ZNF223: variants seen among roughly 807,000 people sequenced by gnomAD.
ZNF223 encodes zinc finger protein 223.
A neutral mutation model predicts 12.3 loss-of-function variants in ZNF223; 9 were observed. The ratio of observed to expected loss-of-function variants is 0.73; its 90% CI spans 0.44 to 1.28. The LOEUF is 1.28. ZNF223 is among the 50% of genes most tolerant of loss of function. ZNF223 has a pLI of 0.00. For synonymous variants in ZNF223, 171 were observed against 195.2 expected (o/e 0.88, Z 1.03); for missense variants, 506 against 579.0 (o/e 0.87, Z 1.29).
Position 44,066,114 on chromosome 19 carries a change from G to C in ZNF223, c.286G>C (p.Glu96Gln). ...GACTTTTCCAGAAGCAGGACCACAT[G>C]AAGGGTGGTCCTGCCAGCAGATCTG... ...MKTFPEAGPHEGWSCQQIWEE... is the reference protein window; with the variant it reads ...MKTFPEAGPHQGWSCQQIWEE... The change falls in exon 5 of 5, where the codon GAA (glutamate) becomes CAA (glutamine). Residue 96 changes from glutamate to glutamine, a missense_variant. By Grantham distance (29) the Glu-to-Gln change is conservative. Coordinates refer to ENST00000434772, the MANE Select transcript of ZNF223 (RefSeq NM_013361.6). The C allele has an allele frequency of 6.2e-7, 1 of 1,613,320 alleles. No homozygotes were observed. The highest frequency in any genetic ancestry group is 1.1e-5 in the South Asian group (1 of 90,944).
At chr19:44,064,561 T>G (rs1416314360) in intron 4 of ZNF223, among the ~76,000 whole-genome samples, 1 of 152,220 alleles carries the variant, frequency 6.6e-6, no homozygotes, top group Non-Finnish European at 1.5e-5. Flanking sequence ...TTTAGTATCA[T>G]GAAGGGTTAA....
intron 4 of ZNF223, chr19:44,063,122 T>G (rs2147477311): frequency 6.6e-6 from 1 of 152,332 alleles, no homozygotes; most frequent in Non-Finnish European, 1.5e-5. Flanking sequence ...CCTTCCCATC[T>G]CCTTAAAGAC....
At chr19:44,057,377 A>G (rs1461640925) in intron 2 of ZNF223, among the ~76,000 whole-genome samples, 2 of 152,344 alleles carry the variant, frequency 1.3e-5, no homozygotes, top group East Asian at 3.9e-4. Context: ...TACTTACCAT[A>G]TCATCTTGGC....
At chr19:44,061,047 A>T (rs1465660960) in intron 4 of ZNF223, 1 of 515,544 alleles carries the variant, frequency 1.9e-6, no homozygotes, top group Non-Finnish European at 3.5e-6. Context: ...TAGGACATGG[A>T]TGTCAGATTG....
Position 44,066,912 on chromosome 19 carries a change from C to T in ZNF223, c.1084C>T (p.His362Tyr). The change falls in exon 5 of 5, where the codon CAT becomes TAT. Residue 362 changes from histidine to tyrosine, a missense_variant. Coordinates refer to ENST00000434772, the MANE Select transcript of ZNF223 (RefSeq NM_013361.6). ...CAGACGGTCCTCCTATCTTTTGATC[C>T]ATCAGCGAGTCCACACTGGAGAAAA... is the stretch of plus-strand genomic sequence containing the variant. The part of the protein sequence containing the change: ...SFRRSSYLLI[H>Y]QRVHTGEKPY... 1 of 1,614,182 alleles carries T rather than the reference C, an allele frequency of 6.2e-7. No individual in the cohort carries two copies. The highest frequency in any genetic ancestry group is 1.1e-5 in the South Asian group (1 of 91,086).
chr19:44,055,189 A>T lies in ZNF223; in HGVS notation c.13A>T (p.Lys5Ter). The change falls in exon 2 of 5, where the codon AAG becomes TAG. Residue 5 changes from lysine to a stop codon, truncating the protein, a stop_gained and splice_region_variant. Transcript: ENST00000434772. LOFTEE classifies it high-confidence loss of function. MTMS[K>*]EAVTFKDVAV... is the part of the protein sequence containing the mutation. ...AGTAGGAGGAAAAATGACCATGTCC[A>T]AGGTAAGTAGGACTTGCCTCTCTTA... 1 of 1,613,324 alleles carries T rather than the reference A, an allele frequency of 6.2e-7. No individual in the cohort carries two copies. Among genetic ancestry groups the T allele is most frequent in the Non-Finnish European group, 8.5e-7 (1 of 1,179,678 alleles).
chr19:44,067,505 T>C lies in ZNF223; in HGVS notation c.*228T>C. ...TTCTTCCTCTTATCTACCTGTACTT[T>C]TGCATCCATTAGCCAACCTTTGGCC... On this transcript the variant is annotated 3_prime_UTR_variant, in exon 5 of 5. Transcript: ENST00000434772. 2 of 602,804 alleles carry C rather than the reference T, an allele frequency of 3.3e-6. No homozygotes were observed. The highest frequency in any genetic ancestry group is 3.0e-6 in the Non-Finnish European group (1 of 332,436). The allele number at this position is 602,804 out of a possible 1,614,324, so 37.3% of individuals were successfully genotyped here.
In ZNF223 at chr19:44,066,654, C is replaced by T. The variant is rs1365193699; in HGVS notation, c.826C>T (p.Gln276Ter). 4.3e-6 allele frequency: 7 copies of T among 1,614,050 alleles called. No individual in the cohort carries two copies. The highest frequency in any genetic ancestry group is 5.9e-6 in the Non-Finnish European group (7 of 1,180,042). ...GGCCTTCATTCATGATTTCCAGCTT[C>T]AGAAACATCAGAGAATTCACACAGG... ...GRAFIHDFQL[Q>*]KHQRIHTGEK... Residue 276 changes from glutamine (Q) to a stop codon, truncating the protein, a stop_gained, in exon 5 of 5, where the codon CAG (glutamine) becomes TAG (stop). Coordinates refer to ENST00000434772, the MANE Select transcript of ZNF223 (RefSeq NM_013361.6). LOFTEE classifies it low-confidence loss of function (END_TRUNC).
Position 44,060,973 on chromosome 19 carries a change from G to A in ZNF223, c.235+132G>A. 6 of 849,242 alleles carry A rather than the reference G, an allele frequency of 7.1e-6. No homozygotes were observed. The South Asian group carries it at 8.3e-5, about 12-fold the overall frequency. 52.6% of individuals were successfully genotyped at this position (849,242 alleles called of 1,614,324 possible). ...GATTATGATAACCTCCTTCCAGCTA[G>A]TGGCCCTGCTCCGTGCCTTCCCACT... On this transcript the variant is annotated intron_variant, in intron 4 of 4. Transcript: ENST00000434772.
rs374214184 is a variant in ZNF223 at position 44,060,427 on chromosome 19, T to C, written c.16-28T>C. ...CTCCCAGTAACCATTGGTAGTGAGA[T>C]TGAGGTTGCATATGTTTGATGCTGT... On this transcript the variant is annotated intron_variant, in intron 2 of 4. Coordinates refer to ENST00000434772, the MANE Select transcript of ZNF223 (RefSeq NM_013361.6). The C allele has an allele frequency of 7.4e-6, 12 of 1,612,908 alleles. No homozygotes were observed. In the African/African-American group the frequency reaches 1.3e-4, roughly 18 times the overall value.
intron 2 of ZNF223, among the ~76,000 whole-genome samples, chr19:44,059,186 A>G (rs1398321046): frequency 2.0e-5 from 3 of 152,224 alleles, no homozygotes; most frequent in African/African-American, 7.2e-5. Flanking sequence ...TATGACATTC[A>G]TGCGGCCCTT....
At chr19:44,053,776 TC>T (rs1224135142) in intron 1 of ZNF223, among the ~76,000 whole-genome samples, 2 of 152,230 alleles carry the variant, frequency 1.3e-5, no homozygotes, top group African/African-American at 4.8e-5. Context: ...GCCCAGGCTT[TC>T]TTGGGCAGAG....
In ZNF223 at chr19:44,055,194, A is replaced by T. The variant is rs753098785; in HGVS notation, c.15+3A>T. The T allele has an allele frequency of 6.2e-7, 1 of 1,613,114 alleles. No homozygotes were observed. On this transcript the variant is annotated splice_donor_region_variant and intron_variant, in intron 2 of 4. Transcript: ENST00000434772. ...GAGGAAAAATGACCATGTCCAAGGT[A>T]AGTAGGACTTGCCTCTCTTACTGTT...
In ZNF223 at chr19:44,059,766, C is replaced by G. The variant is rs557531783; in HGVS notation, c.16-689C>G. On this transcript the variant is annotated intron_variant, in intron 2 of 4. Coordinates refer to ENST00000434772, the MANE Select transcript of ZNF223 (RefSeq NM_013361.6). ...CAGTTGTTCAGTCAGGAAGGGACGT[C>G]ACGTCCTATACAAAAAATGCCTGCT... is the stretch of plus-strand genomic sequence containing the variant. 2.6e-5 allele frequency among the ~76,000 whole-genome samples: 4 copies of G among 152,298 alleles called. No individual in the cohort carries two copies. The East Asian group carries it at 7.7e-4, about 29-fold the overall frequency.
chr19:44,054,130 A>G (rs1341073211), intron 1 of ZNF223, among the ~76,000 whole-genome samples: 2 of 149,060 alleles, frequency 1.3e-5, no homozygotes, highest in Non-Finnish European at 1.5e-5. Context: ...TAGATTATAC[A>G]TTGTTGGTGG....
Position 44,067,953 on chromosome 19 carries a change from CA to C in ZNF223, c.*687del, listed in dbSNP as rs1314185710. On this transcript the variant is annotated 3_prime_UTR_variant, in exon 5 of 5. Transcript: ENST00000434772. ...GGGCAACAGAGTGAGACCCTGTCTC[CA>C]AAAAAAAAAATTAAATAAATACCTT... is the stretch of plus-strand genomic sequence containing the variant. 2.1e-4 allele frequency: 30 copies of C among 142,224 alleles called. No individual in the cohort carries two copies. The highest frequency in any genetic ancestry group is 3.1e-4 in the Non-Finnish European group (20 of 65,102). 8.8% of individuals were successfully genotyped at this position (142,224 alleles called of 1,614,324 possible).
chr19:44,060,891 A>G, intron 4 of ZNF223, 50 bp downstream of exon 4: 2 of 1,522,240 alleles, frequency 1.3e-6, no homozygotes, highest in Non-Finnish European at 1.8e-6. Flanking sequence ...CATCTGTTTT[A>G]CTTCTGTGCA....
intron 2 of ZNF223, chr19:44,060,249 G>A (rs574238492): frequency 3.3e-4 from 286 of 854,438 alleles, no homozygotes; most frequent in Non-Finnish European, 4.6e-4. Context: ...AGACTTCTTT[G>A]TCGTTGGACT....
chr19:44,053,296 T>G (rs1976724753), intron 1 of ZNF223, among the ~76,000 whole-genome samples: 1 of 152,128 alleles, frequency 6.6e-6, no homozygotes, highest in South Asian at 2.1e-4. Flanking sequence ...TATTGATCAC[T>G]ATCTCTACTA....
Sources: gnomAD v4.1 joint callset for allele counts (sites outside exome capture counted in the v4.1 genomes callset) on GRCh38, gnomAD v4.1.1 for gene constraint, MANE v1.5 for transcripts, NCBI Gene and HGNC (gene_info 2026-07-23, HGNC 2026-07-21) for gene names.